The following WWC2 variants were observed in gnomAD, a reference collection of about 807,000 sequenced individuals.
WWC2 encodes protein WWC2.
In WWC2, 101 loss-of-function variants were observed where a neutral mutation model predicts 138.5. The ratio of observed to expected loss-of-function variants is 0.73; its 90% confidence interval spans 0.62 to 0.86. The LOEUF is 0.86. Among genes scored for constraint, WWC2 ranks in the 40% least tolerant of loss-of-function variants. The pLI is 0.00. For missense variants in WWC2, 1,420 were observed against 1,419.4 expected (o/e 1.00, Z -0.01); for synonymous variants, 558 against 538.4 (o/e 1.04, Z -0.50).
At chr4:183,251,299 T>C (rs1736975314) in intron 8 of WWC2, among the ~76,000 whole-genome samples, 6 of 152,232 alleles carry the variant, frequency 3.9e-5, no homozygotes, top group Admixed American at 3.3e-4. Context: ...CCCCTTGTTG[T>C]GTGTCCACCT....
intron 1 of WWC2, among the ~76,000 whole-genome samples, chr4:183,172,225 A>G (rs977292287): frequency 6.6e-6 from 1 of 152,098 alleles, no homozygotes; most frequent in Non-Finnish European, 1.5e-5. Flanking sequence ...ACTGCTGCAC[A>G]CTGTCATCCT....
chr4:183,177,193 A>C (rs765314006), intron 1 of WWC2, among the ~76,000 whole-genome samples: 1 of 152,250 alleles, frequency 6.6e-6, no homozygotes, highest in East Asian at 1.9e-4. Flanking sequence ...CTCATGCATT[A>C]GTCAGCTCTG....
chr4:183,147,449 G>C (rs1451751898), intron 1 of WWC2, among the ~76,000 whole-genome samples: 1 of 152,154 alleles, frequency 6.6e-6, no homozygotes, highest in Non-Finnish European at 1.5e-5. Context: ...TTAGGCAGTG[G>C]AGGGAGACTT....
intron 17 of WWC2, 100 bp downstream of exon 17, chr4:183,280,997 T>C (rs1387187858): frequency 7.0e-7 from 1 of 1,436,260 alleles, no homozygotes; most frequent in Non-Finnish European, 9.2e-7. Flanking sequence ...TCCAGAATGA[T>C]GGAATGCACT....
At position 183,244,702 on chromosome 4, in the gene WWC2, C is replaced by T. The variant is rs1332154699; in HGVS notation, c.603-714C>T. 3.3e-5 allele frequency among the ~76,000 whole-genome samples: 5 copies of T among 152,106 alleles called. No individual in the cohort carries two copies. In the East Asian group the frequency reaches 9.6e-4, roughly 29 times the overall value. On this transcript the variant is annotated intron_variant, in intron 5 of 22. Transcript: ENST00000403733. ...TTAAAGGCCTCCCAAGCTGCAGGCC[C>T]TGTGCCAGGTTTTGCACAGACATTA...
chr4:183,290,162 C>T (rs1012383180), intron 21 of WWC2, among the ~76,000 whole-genome samples: 1 of 152,030 alleles, frequency 6.6e-6, no homozygotes, highest in Non-Finnish European at 1.5e-5. Context: ...TTGACATTCT[C>T]CCTTACCTTT....
chr4:183,181,060 T>C (rs996046074), intron 1 of WWC2, among the ~76,000 whole-genome samples: 1 of 152,178 alleles, frequency 6.6e-6, no homozygotes, highest in Non-Finnish European at 1.5e-5. Context: ...GAGAGAAATG[T>C]AAACAAATGT....
chr4:183,116,536 A>G (rs892125421), intron 1 of WWC2, among the ~76,000 whole-genome samples: 12 of 152,344 alleles, frequency 7.9e-5, no homozygotes, highest in Non-Finnish European at 1.6e-4. Flanking sequence ...CTGACTTCCA[A>G]GCTGTACATC....
chr4:183,241,503 C>T (rs765643431), intron 5 of WWC2, among the ~76,000 whole-genome samples: 17 of 152,156 alleles, frequency 1.1e-4, no homozygotes, highest in Non-Finnish European at 1.9e-4. Flanking sequence ...TCCTGCTTAC[C>T]GCATAGAATC....
chr4:183,134,802 A>T (rs1733057329), intron 1 of WWC2, among the ~76,000 whole-genome samples: 1 of 152,092 alleles, frequency 6.6e-6, no homozygotes, highest in East Asian at 1.9e-4. Flanking sequence ...TTTGCCTTAA[A>T]ATCTATTGTT....
intron 1 of WWC2, among the ~76,000 whole-genome samples, chr4:183,139,442 C>T (rs1331171877): frequency 2.0e-5 from 3 of 152,164 alleles, no homozygotes; most frequent in African/African-American, 7.2e-5. Flanking sequence ...CCCATCTGTC[C>T]CCCACATTTG....
chr4:183,114,908 G>A (rs1427714715), intron 1 of WWC2, among the ~76,000 whole-genome samples: 2 of 152,088 alleles, frequency 1.3e-5, no homozygotes, highest in Non-Finnish European at 2.9e-5. Context: ...TGCAACCTCT[G>A]CCTCCCGGGT....
rs1476876966 is a variant in WWC2 at position 183,172,571 on chromosome 4, T to TG, written c.132-21028_132-21027insG. Among the ~76,000 whole-genome samples the TG allele has an allele frequency of 4.0e-5, 6 of 151,560 alleles. No homozygotes were observed. The East Asian group carries it at 1.2e-3, about 29-fold the overall frequency. On this transcript the variant is annotated intron_variant, in intron 1 of 22. Coordinates refer to ENST00000403733, the MANE Select transcript of WWC2 (RefSeq NM_024949.6). ...TATGTTTCTTGTTTTTTTTTTTTTT[T>TG]TTTGTTATTGTTATTTGTTTGTTTC...
intron 1 of WWC2, among the ~76,000 whole-genome samples, chr4:183,166,057 A>T (rs977794628): frequency 7.2e-5 from 11 of 152,182 alleles, no homozygotes; most frequent in Non-Finnish European, 1.3e-4. Context: ...ATAAATTGAG[A>T]TCTTGTGTTA....
At chr4:183,125,025 A>C (rs918599607) in intron 1 of WWC2, among the ~76,000 whole-genome samples, 3 of 152,174 alleles carry the variant, frequency 2.0e-5, no homozygotes, top group African/African-American at 7.2e-5. Flanking sequence ...CACCATTGCC[A>C]GGGTGTTTGG....
intron 2 of WWC2, among the ~76,000 whole-genome samples, chr4:183,203,989 C>G (rs1277498192): frequency 6.6e-6 from 1 of 152,046 alleles, no homozygotes; most frequent in Admixed American, 6.6e-5. Context: ...TGAGTTCTCT[C>G]AGAAGCAAAC....
intron 1 of WWC2, among the ~76,000 whole-genome samples, chr4:183,138,460 T>C (rs935547881): frequency 6.6e-6 from 1 of 152,200 alleles, no homozygotes; most frequent in Non-Finnish European, 1.5e-5. Flanking sequence ...TGGTGTTTTC[T>C]TTTTGTAAAT....
At chr4:183,120,070 G>GA (rs1206099092) in intron 1 of WWC2, among the ~76,000 whole-genome samples, 1 of 151,934 alleles carries the variant, frequency 6.6e-6, no homozygotes, top group Non-Finnish European at 1.5e-5. Context: ...CCGTAGAGAT[G>GA]AAAAATTACC....
At chr4:183,142,513 CAAAG>C (rs1334197372) in intron 1 of WWC2, among the ~76,000 whole-genome samples, 3 of 152,188 alleles carry the variant, frequency 2.0e-5, no homozygotes, top group Non-Finnish European at 2.9e-5. Flanking sequence ...TTGACCCCGA[CAAAG>C]AGAGTGTGTA....
Sources: allele counts gnomAD v4.1 joint callset (sites outside exome capture counted in the v4.1 genomes callset), GRCh38; gene constraint gnomAD v4.1.1; transcripts MANE v1.5; gene names NCBI Gene and HGNC (gene_info 2026-07-23, HGNC 2026-07-21).